The following BRD2 variants were observed in gnomAD, a reference collection of about 807,000 sequenced individuals.
The protein encoded by BRD2 is bromodomain containing 2, also known as bromodomain-containing protein 2.
BRD2 carries 15 observed loss-of-function variants against 79.1 expected under a neutral mutation model. That is an observed-to-expected ratio of 0.19 (90% CI 0.13 to 0.29). BRD2 has a LOEUF of 0.29. BRD2 is among the 10% of genes least tolerant of loss of function. The pLI is 1.00. For synonymous variants in BRD2, 488 were observed against 358.6 expected (o/e 1.36, Z -4.08); for missense variants, 1,053 against 991.3 (o/e 1.06, Z -0.84).
chr6:32,975,922 TGGG>T (rs1778683240), intron 4 of BRD2, 106 bp from the exon 5 acceptor site: 6 of 1,228,018 alleles, frequency 4.9e-6, no homozygotes, highest in Non-Finnish European at 6.7e-6. Flanking sequence ...AGATGACTGG[TGGG>T]GGTATGGTAA....
chr6:32,972,403 C>G lies in BRD2; in HGVS notation c.-496C>G. ...GAGCTCCCCTTTTTCGGGCCCCGCC[C>G]AATCCTCGGAGTCTGTCCACCCCCT... On this transcript the variant is annotated 5_prime_UTR_variant, in exon 2 of 13. Coordinates refer to ENST00000374825, the MANE Select transcript of BRD2 (RefSeq NM_005104.4). 1 of 294,552 alleles carries G rather than the reference C, an allele frequency of 3.4e-6. No homozygotes were observed. The highest frequency in any genetic ancestry group is 5.0e-5 in the Admixed American group (1 of 20,062). The allele number at this position is 294,552 out of a possible 1,614,324, so 18.2% of individuals were successfully genotyped here. A position where few individuals can be genotyped will look rare whatever the true frequency, so the allele number is the denominator to read the frequency against.
chr6:32,978,799 C>T (rs1231308101), intron 10 of BRD2: 6 of 191,688 alleles, frequency 3.1e-5, no homozygotes, highest in Non-Finnish European at 6.3e-5. Context: ...TGGTACTGGT[C>T]TGGGGGTTGG....
intron 2 of BRD2, 119 bp from the exon 3 acceptor site, chr6:32,974,332 GCTTAAGAAGCA>G: frequency 1.1e-6 from 1 of 908,204 alleles, no homozygotes; most frequent in Admixed American, 2.3e-5. Context: ...TATTGTTTCT[GCTTAAGAAGCA>G]CTTGGCATAA....
chr6:32,973,303 G>T (rs556958927), intron 2 of BRD2, among the ~76,000 whole-genome samples: 23 of 152,196 alleles, frequency 1.5e-4, no homozygotes, highest in African/African-American at 5.1e-4. Flanking sequence ...CACCTCTAGC[G>T]CCCTGTAGGG....
chr6:32,977,261 C>G (rs1403384983), intron 7 of BRD2, 181 bp from the exon 8 acceptor site: 4 of 1,548,136 alleles, frequency 2.6e-6, no homozygotes, highest in South Asian at 1.2e-5. Context: ...TTTTTCTAGA[C>G]ATAAATATTT....
intron 2 of BRD2, 183 bp downstream of exon 2, chr6:32,973,110 G>C: frequency 6.4e-7 from 1 of 1,556,472 alleles, no homozygotes; most frequent in South Asian, 1.2e-5. Flanking sequence ...CTCGGCTACT[G>C]CTCGTGGAGG....
intron 10 of BRD2, 129 bp from the exon 11 acceptor site, chr6:32,979,698 AC>A: frequency 2.8e-6 from 3 of 1,083,314 alleles, no homozygotes; most frequent in Non-Finnish European, 2.6e-6. Flanking sequence ...CCCACCTCTT[AC>A]TTGGCCATTG....
In BRD2 at chr6:32,976,903, CATT is replaced by C; in HGVS notation, c.1169_1171del (p.Ile390del). 1 of 1,612,708 alleles carries C rather than the reference CATT, an allele frequency of 6.2e-7. No homozygotes were observed. Among genetic ancestry groups the C allele is most frequent in the African/African-American group, 1.3e-5 (1 of 75,050 alleles). ...TTGGCCTGCATGACTACCATGACAT[CATT>C]AAGCACCCCATGGACCTCAGCACTG... On this transcript the variant is annotated inframe_deletion, in exon 7 of 13. Coordinates refer to ENST00000374825, the MANE Select transcript of BRD2 (RefSeq NM_005104.4).
At position 32,971,721 on chromosome 6, in the gene BRD2, G is replaced by A; in HGVS notation, c.-1178G>A. Reference sequence around the variant, plus strand: ...TCCCGTTTCCCTGCTTTGGCCAATGGAGGAGCTACGAATGGCACGACCTGC... The same window carrying A: ...TCCCGTTTCCCTGCTTTGGCCAATGAAGGAGCTACGAATGGCACGACCTGC... On this transcript the variant is annotated 5_prime_UTR_variant, in exon 2 of 13. It introduces an in-frame stop codon into an upstream open reading frame of the 5' UTR. Coordinates refer to ENST00000374825, the MANE Select transcript of BRD2 (RefSeq NM_005104.4). 1.8e-6 allele frequency: 1 copy of A among 561,972 alleles called. No individual in the cohort carries two copies. Among genetic ancestry groups the A allele is most frequent in the South Asian group, 2.2e-5 (1 of 46,156 alleles). The allele number at this position is 561,972 out of a possible 1,614,324, so 34.8% of individuals were successfully genotyped here.
intron 4 of BRD2, 51 bp downstream of exon 4, chr6:32,975,572 T>C: frequency 6.3e-7 from 1 of 1,587,974 alleles, no homozygotes; most frequent in South Asian, 1.1e-5. Flanking sequence ...CAGTAACTTC[T>C]ATTATTGCTG....
chr6:32,974,710 A>C lies in BRD2; in HGVS notation c.278A>C (p.His93Pro), dbSNP rs1403946076. The C allele has an allele frequency of 6.2e-7, 1 of 1,614,116 alleles. No homozygotes were observed. Among genetic ancestry groups the C allele is most frequent in the Non-Finnish European group, 8.5e-7 (1 of 1,180,048 alleles). ...HKVVMKALWK[H>P]QFAWPFRQPV... ...GTAGTGATGAAGGCTCTGTGGAAAC[A>C]TCAGTTCGCATGGCCATTCCGGCAG... The change falls in exon 3 of 13, where the codon CAT (histidine) becomes CCT (proline). Residue 93 changes from histidine (H) to proline (P), a missense_variant. Physicochemically the swap from His to Pro is moderately conservative, Grantham distance 77. Coordinates refer to ENST00000374825, the MANE Select transcript of BRD2 (RefSeq NM_005104.4).
At chr6:32,976,511 A>C in intron 6 of BRD2, 47 bp downstream of exon 6, 1 of 1,598,652 alleles carries the variant, frequency 6.3e-7, no homozygotes, top group Non-Finnish European at 8.5e-7. Flanking sequence ...CAAGGGTCTT[A>C]AGTAAAGTGG....
rs150287231 is a variant in BRD2 at position 32,980,459 on chromosome 6, A to G, written c.2264A>G (p.Lys755Arg). Residue 755 changes from lysine to arginine, a missense_variant, in exon 12 of 13, where the codon AAG becomes AGG. Coordinates refer to ENST00000374825, the MANE Select transcript of BRD2 (RefSeq NM_005104.4). ...CTCAATTCTACTAAAAAGCCCCCCAAGAAAGGTGAGTATATACTTTCATGC... is the reference window on the plus strand; with the variant it reads ...CTCAATTCTACTAAAAAGCCCCCCAGGAAAGGTGAGTATATACTTTCATGC... ...GQLNSTKKPP[K>R]KANEKTESSS... The G allele has an allele frequency of 1.2e-6, 2 of 1,613,094 alleles. No individual in the cohort carries two copies. The highest frequency in any genetic ancestry group is 8.5e-7 in the Non-Finnish European group (1 of 1,180,034).
At position 32,974,551 on chromosome 6, in the gene BRD2, A is replaced by G. The variant is rs200307380; in HGVS notation, c.119A>G (p.Tyr40Cys). 1.2e-6 allele frequency: 2 copies of G among 1,614,222 alleles called. No homozygotes were observed. The highest frequency in any genetic ancestry group is 1.3e-5 in the African/African-American group (1 of 75,040). Residue 40 changes from tyrosine to cysteine, a missense_variant, in exon 3 of 13, where the codon TAT (tyrosine) becomes TGT (cysteine). Physicochemically the swap from Tyr to Cys is radical, Grantham distance 194 (BLOSUM62 -2). Coordinates refer to ENST00000374825, the MANE Select transcript of BRD2 (RefSeq NM_005104.4). ...GKRIRKPSLL[Y>C]EGFESPTMAS... is the part of the protein sequence containing the mutation. ...AGGATTCGAAAACCCTCTCTCTTGT[A>G]TGAGGGCTTTGAGAGCCCCACAATG...
Position 32,969,012 on chromosome 6 carries a change from G to T in BRD2, c.-1349G>T. The stretch of plus-strand genomic sequence containing the variant: ...CCCCGGATTACATACCCCGTACCAA[G>T]CCGAGGGCAACTTTGGAGGCCCCCT... On this transcript the variant is annotated 5_prime_UTR_variant, in exon 1 of 13. Coordinates refer to ENST00000374825, the MANE Select transcript of BRD2 (RefSeq NM_005104.4). 1 of 290,940 alleles carries T rather than the reference G, an allele frequency of 3.4e-6. No individual in the cohort carries two copies. Among genetic ancestry groups the T allele is most frequent in the Non-Finnish European group, 6.6e-6 (1 of 151,886 alleles). The allele number at this position is 290,940 out of a possible 1,614,324, so 18.0% of individuals were successfully genotyped here.
At chr6:32,975,330 C>T (rs1165052844) in intron 3 of BRD2, 54 bp from the exon 4 acceptor site, 1 of 1,435,634 alleles carries the variant, frequency 7.0e-7, no homozygotes, top group Non-Finnish European at 9.5e-7. Flanking sequence ...GATCGGTAGT[C>T]TCCCTATAAG....
At chr6:32,979,470 G>C (rs80344944) in intron 10 of BRD2, 13,299 of 275,740 alleles carry the variant, frequency 0.048, 576 homozygotes, top group East Asian at 0.18. Flanking sequence ...TTCACTTTAC[G>C]GAGTTTTTTT....
rs144872939 is a variant in BRD2 at position 32,977,936 on chromosome 6, G to A, written c.1509G>A (p.Glu503=). 74 of 1,612,802 alleles carry A rather than the reference G, an allele frequency of 4.6e-5. No individual in the cohort carries two copies. The East Asian group carries it at 1.6e-3, about 35-fold the overall frequency. ...AGGAGGAAGATGAGGAGGACGAGGA[G>A]GAAGAAGAGAGTGAAAGCTCAGACT... The part of the protein sequence containing the change: ...EEEEEDEEDE[E]EEESESSDSE... The change falls in exon 9 of 13, where the codon GAG becomes GAA. Residue 503 remains glutamate, a synonymous_variant. Transcript: ENST00000374825.
At position 32,976,751 on chromosome 6, in the gene BRD2, C is replaced by G. The variant is rs1249368801; in HGVS notation, c.1015C>G (p.Gln339Glu). ...KDLPDSQQQHQSSKKGKLSEQ... is the reference protein window; with the variant it reads ...KDLPDSQQQHESSKKGKLSEQ... ...CTTGCCTGACTCTCAGCAACAACAC[C>G]AGAGCTCTAAGAAAGGAAAGCTTTC... The change falls in exon 7 of 13, where the codon CAG becomes GAG. Residue 339 changes from glutamine to glutamate, a missense_variant. Around this residue, in one of 5 missense-constraint regions of BRD2, gnomAD observed 454 missense variants for 430.5 expected, o/e 1.05. Coordinates refer to ENST00000374825, the MANE Select transcript of BRD2 (RefSeq NM_005104.4). 6.2e-7 allele frequency: 1 copy of G among 1,613,160 alleles called. No individual in the cohort carries two copies. Among genetic ancestry groups the G allele is most frequent in the Non-Finnish European group, 8.5e-7 (1 of 1,180,044 alleles).
Sources: allele counts gnomAD v4.1 joint callset (sites outside exome capture counted in the v4.1 genomes callset), GRCh38; gene constraint gnomAD v4.1.1; regional missense constraint gnomAD v4.1.1; transcripts MANE v1.5; gene names NCBI Gene and HGNC (gene_info 2026-07-23, HGNC 2026-07-21).